LINGO2: variants seen among roughly 807,000 people sequenced by gnomAD.
LINGO2 encodes the protein leucine rich repeat and Ig domain containing 2.
LINGO2 carries 14 observed loss-of-function variants against 30.6 expected under a neutral mutation model. That is an observed-to-expected ratio of 0.46 (90% CI 0.30 to 0.72). LINGO2 has a LOEUF of 0.72. Ranked by LOEUF, LINGO2 falls within the 30% of genes least tolerant of loss-of-function variation. The pLI is 0.07. For synonymous variants in LINGO2, 317 were observed against 288.5 expected (o/e 1.10, Z -1.00); for missense variants, 729 against 751.7 (o/e 0.97, Z 0.35).
At chr9:28,295,776 G>T (rs80014872) in intron 3 of LINGO2, among the ~76,000 whole-genome samples, 3,706 of 152,214 alleles carry the variant, frequency 0.024, 137 homozygotes, top group African/African-American at 0.084. Flanking sequence ...CCCATGAGCA[G>T]TTAGAGCGAA....
the LINGO2 span, among the ~76,000 whole-genome samples, chr9:29,210,101 C>T: frequency 0.24 from 36,689 of 152,132 alleles, 5,382 homozygotes; most frequent in East Asian, 0.35. Context: ...CTTCCTATCA[C>T]TTCTTATTCT....
At chr9:29,073,763 C>T in the LINGO2 span, among the ~76,000 whole-genome samples, 2 of 152,162 alleles carry the variant, frequency 1.3e-5, no homozygotes, top group African/African-American at 4.8e-5. Context: ...ATCTTACTGG[C>T]TTCAGTGTTT....
intron 2 of LINGO2, among the ~76,000 whole-genome samples, chr9:28,402,955 G>T (rs1362369514): frequency 6.6e-6 from 1 of 152,128 alleles, no homozygotes; most frequent in Non-Finnish European, 1.5e-5. Flanking sequence ...AACAGTTGTA[G>T]TATGAAAAGC....
At chr9:28,573,043 G>T (rs1823778905) in intron 1 of LINGO2, among the ~76,000 whole-genome samples, 2 of 152,106 alleles carry the variant, frequency 1.3e-5, no homozygotes, top group Non-Finnish European at 2.9e-5. Flanking sequence ...TCTGTGGCAA[G>T]TTTTTCAATA....
intron 3 of LINGO2, among the ~76,000 whole-genome samples, chr9:28,358,718 C>T (rs190888417): frequency 2.8e-4 from 43 of 152,260 alleles, no homozygotes; most frequent in African/African-American, 8.7e-4. Context: ...GGTACCCAGA[C>T]CACAGGGTTG....
At chr9:28,586,160 T>C (rs1277471582) in intron 1 of LINGO2, among the ~76,000 whole-genome samples, 2 of 152,020 alleles carry the variant, frequency 1.3e-5, no homozygotes, top group Admixed American at 6.6e-5. Context: ...CCGTGGAACA[T>C]ACCTGCAGGA....
In LINGO2 at chr9:28,129,472, G is replaced by A. The variant is rs1827324809; in HGVS notation, c.-86-117067C>T. Among the ~76,000 whole-genome samples the A allele has an allele frequency of 6.6e-6, 1 of 152,114 alleles. No individual in the cohort carries two copies. The highest frequency in any genetic ancestry group is 1.5e-5 in the Non-Finnish European group (1 of 68,038). On this transcript the variant is annotated intron_variant, in intron 4 of 5. Coordinates refer to ENST00000379992, the Ensembl canonical transcript of LINGO2. The surrounding 1 kb of genome is among the most constrained non-coding windows in gnomAD (Gnocchi z 4.0). ...CCTAAGTATAACTCTTGGCCGGCCT[G>A]GATGTCTCATCACAGAAACAGCCTA...
chr9:28,527,522 C>T (rs1821081437), intron 1 of LINGO2, among the ~76,000 whole-genome samples: 1 of 152,064 alleles, frequency 6.6e-6, no homozygotes, highest in South Asian at 2.1e-4. Context: ...TCACCAAGGT[C>T]CATCTTCATC....
chr9:28,667,641 G>T (rs181556768), intron 1 of LINGO2, among the ~76,000 whole-genome samples: 2 of 152,150 alleles, frequency 1.3e-5, no homozygotes, highest in African/African-American at 4.8e-5. Flanking sequence ...CTACTCAGGG[G>T]ACTGAGGCAT....
At chr9:28,183,906 G>A (rs147531176) in intron 4 of LINGO2, among the ~76,000 whole-genome samples, 38 of 152,306 alleles carry the variant, frequency 2.5e-4, no homozygotes, top group African/African-American at 8.9e-4. Context: ...AAATTCATAT[G>A]TTGCAGCCTC....
chr9:28,283,240 G>T (rs115664450), intron 4 of LINGO2, among the ~76,000 whole-genome samples: 1 of 152,194 alleles, frequency 6.6e-6, no homozygotes, highest in South Asian at 2.1e-4. Flanking sequence ...ATACATTTAC[G>T]TACAAAATTA....
chr9:29,135,004 ATT>A, the LINGO2 span, among the ~76,000 whole-genome samples: 2 of 151,758 alleles, frequency 1.3e-5, no homozygotes, highest in Non-Finnish European at 2.9e-5. Context: ...ATAGATTCTA[ATT>A]TTTTTTATTG....
chr9:28,975,829 T>C, the LINGO2 span, among the ~76,000 whole-genome samples: 1 of 152,184 alleles, frequency 6.6e-6, no homozygotes, highest in Non-Finnish European at 1.5e-5. Context: ...ACAATGTATT[T>C]GTTAATAATT....
intron 4 of LINGO2, among the ~76,000 whole-genome samples, chr9:28,257,285 G>C (rs4567135): frequency 0.028 from 4,207 of 151,532 alleles, 136 homozygotes; most frequent in South Asian, 0.11. Context: ...TGTTTAAAGA[G>C]ATGTTTTTTT....
At chr9:29,059,335 T>C in the LINGO2 span, among the ~76,000 whole-genome samples, 664 of 151,590 alleles carry the variant, frequency 4.4e-3, 11 homozygotes, top group South Asian at 0.035. Context: ...AAAATTATTA[T>C]ACATTGCACC....
rs144264099 is a variant in LINGO2 at position 28,168,843 on chromosome 9, T to C, written c.-87+126365A>G. 1.8e-4 allele frequency among the ~76,000 whole-genome samples: 27 copies of C among 152,200 alleles called. No homozygotes were observed. In the East Asian group the frequency reaches 4.8e-3, roughly 27 times the overall value. ...CACCTCCATTTTCACACAATGGGAG[T>C]TGTATTCACAAAAGGCACTGGAATT... On this transcript the variant is annotated intron_variant, in intron 4 of 5. Transcript: ENST00000379992.
chr9:28,846,155 G>T, the LINGO2 span, among the ~76,000 whole-genome samples: 1 of 151,690 alleles, frequency 6.6e-6, no homozygotes, highest in East Asian at 1.9e-4. Context: ...CCTCAGAGAT[G>T]AATGTATATA....
rs149291699 is a variant in LINGO2 at position 28,182,818 on chromosome 9, C to T, written c.-87+112390G>A. Among the ~76,000 whole-genome samples, 1,008 of 152,108 alleles carry T rather than the reference C, an allele frequency of 6.6e-3. 11 individuals carry two copies. The highest frequency in any genetic ancestry group is 0.021 in the African/African-American group (891 of 41,514). On this transcript the variant is annotated intron_variant, in intron 4 of 5. Transcript: ENST00000379992. ...AAAGTCAGGAAACAACAGATGCTGG[C>T]GAGGCTGTGAAGAAATATGAACACT...
chr9:28,862,599 A>C, the LINGO2 span, among the ~76,000 whole-genome samples: 4 of 152,116 alleles, frequency 2.6e-5, no homozygotes, highest in Non-Finnish European at 5.9e-5. Flanking sequence ...GGACAAAATA[A>C]AGTCATAATG....
Sources: gnomAD v4.1 joint callset for allele counts (sites outside exome capture counted in the v4.1 genomes callset) on GRCh38, gnomAD v4.1.1 for gene constraint, Gnocchi (gnomAD v3.1) non-coding constraint, MANE v1.5 for transcripts, NCBI Gene and HGNC (gene_info 2026-07-23, HGNC 2026-07-21) for gene names.